HEATR5B: variants seen among roughly 807,000 people sequenced by gnomAD.
The protein encoded by HEATR5B is HEAT repeat-containing protein 5B.
HEATR5B carries 156 observed loss-of-function variants against 224.1 expected under a neutral mutation model. That is an observed-to-expected ratio of 0.70 (90% CI 0.61 to 0.80). The LOEUF (loss-of-function observed/expected upper bound fraction) is 0.80, where lower values mean the gene tolerates loss of function less well. Among genes scored for constraint, HEATR5B ranks in the 30% least tolerant of loss-of-function variants. HEATR5B has a pLI of 0.00. For synonymous variants in HEATR5B, 1,027 were observed against 893.0 expected (o/e 1.15, Z -2.68); for missense variants, 2,323 against 2,535.5 (o/e 0.92, Z 1.80).
Position 37,056,146 on chromosome 2 carries a change from T to C in HEATR5B, c.2399+294A>G, listed in dbSNP as rs114589335. Among the ~76,000 whole-genome samples, 287 of 152,222 alleles carry C rather than the reference T, an allele frequency of 1.9e-3. 3 individuals are homozygous for C. Among genetic ancestry groups the C allele is most frequent in the African/African-American group, 6.6e-3 (274 of 41,552 alleles). ...AATGCATTTTTTTTTTTGCCAACAG[T>C]TGTCATTCTAGCATATATAATGAAA... is the stretch of plus-strand genomic sequence containing the variant. On this transcript the variant is annotated intron_variant, in intron 16 of 35. Coordinates refer to ENST00000233099, the MANE Select transcript of HEATR5B (RefSeq NM_019024.3).
rs1425532522 is a variant in HEATR5B, at chr2:37,038,041, G to C, written c.3047-17C>G. On this transcript the variant is annotated splice_polypyrimidine_tract_variant and intron_variant, in intron 20 of 35. Transcript: ENST00000233099. ...CTCCATTCCCTGGTGCAAAATGAAAGAAAATATAAAATATAATTATTTTAT... is the reference window on the plus strand; with the variant it reads ...CTCCATTCCCTGGTGCAAAATGAAACAAAATATAAAATATAATTATTTTAT... 2 of 1,443,670 alleles carry C rather than the reference G, an allele frequency of 1.4e-6. No individual in the cohort carries two copies. The highest frequency in any genetic ancestry group is 1.8e-6 in the Non-Finnish European group (2 of 1,084,836). 89.4% of individuals were successfully genotyped at this position (1,443,670 alleles called of 1,614,324 possible). A position where few individuals can be genotyped will look rare whatever the true frequency, so the allele number is the denominator to read the frequency against.
chr2:37,081,765 G>A (rs1672584538), intron 2 of HEATR5B, among the ~76,000 whole-genome samples: 1 of 152,132 alleles, frequency 6.6e-6, no homozygotes, highest in Non-Finnish European at 1.5e-5. Context: ...ACTGAAAATG[G>A]GGAGATGCAG....
intron 33 of HEATR5B, among the ~76,000 whole-genome samples, chr2:36,999,244 G>GA (rs1414276242): frequency 1.3e-5 from 2 of 151,880 alleles, no homozygotes; most frequent in Non-Finnish European, 2.9e-5. Flanking sequence ...AAAAACACCC[G>GA]AAAAAACATA....
intron 15 of HEATR5B, 34 bp from the exon 16 acceptor site, chr2:37,056,649 C>G: frequency 6.5e-7 from 1 of 1,543,764 alleles, no homozygotes; most frequent in Non-Finnish European, 8.8e-7. Context: ...TATTCAAAAT[C>G]TACTTTAGGA....
Position 37,079,338 on chromosome 2 carries a change from C to A in HEATR5B, c.127-7G>T. ...GTTTTTCCTTTACATCGGTCTGTTA[C>A]AAAAAAAATTTTTAAAAGAACATCA... On this transcript the variant is annotated splice_region_variant and splice_polypyrimidine_tract_variant and intron_variant, in intron 2 of 35. Coordinates refer to ENST00000233099, the MANE Select transcript of HEATR5B (RefSeq NM_019024.3). 2 of 1,542,344 alleles carry A rather than the reference C, an allele frequency of 1.3e-6. No individual in the cohort carries two copies. Among genetic ancestry groups the A allele is most frequent in the Non-Finnish European group, 1.7e-6 (2 of 1,145,078 alleles).
chr2:37,082,600 C>T (rs867195138), intron 2 of HEATR5B, among the ~76,000 whole-genome samples: 1 of 152,224 alleles, frequency 6.6e-6, no homozygotes, highest in Non-Finnish European at 1.5e-5. Context: ...GAGCGATCTG[C>T]GCCTTAAGGG....
intron 35 of HEATR5B, among the ~76,000 whole-genome samples, chr2:36,987,936 G>C (rs2372444): frequency 0.32 from 49,172 of 151,586 alleles, 8,540 homozygotes; most frequent in African/African-American, 0.39. Flanking sequence ...GCCAGGCATG[G>C]TGGCACATGC....
chr2:37,057,856 A>C (rs1299405765), intron 14 of HEATR5B, among the ~76,000 whole-genome samples: 1 of 152,078 alleles, frequency 6.6e-6, no homozygotes, highest in Non-Finnish European at 1.5e-5. Flanking sequence ...GACACACACA[A>C]ACAAAGATAC....
chr2:37,071,968 G>C (rs946168559), intron 6 of HEATR5B, 142 bp downstream of exon 6: 2 of 604,716 alleles, frequency 3.3e-6, no homozygotes, highest in South Asian at 2.8e-5. Context: ...ACAGGCATGA[G>C]TCACCGCGCC....
At chr2:37,049,978 CCTT>C (rs1670436242) in intron 17 of HEATR5B, 135 bp from the exon 18 acceptor site, 1 of 804,160 alleles carries the variant, frequency 1.2e-6, no homozygotes, top group Non-Finnish European at 1.8e-6. Flanking sequence ...ACAGCCTCGA[CCTT>C]CTGAGCTCAA....
intron 17 of HEATR5B, among the ~76,000 whole-genome samples, chr2:37,052,556 T>C (rs746248911): frequency 6.6e-6 from 1 of 152,120 alleles, no homozygotes; most frequent in Non-Finnish European, 1.5e-5. Flanking sequence ...TGGCATATGA[T>C]ATTATTTCTT....
chr2:37,044,056 T>C (rs1213916991), intron 18 of HEATR5B, among the ~76,000 whole-genome samples: 1 of 152,224 alleles, frequency 6.6e-6, no homozygotes, highest in East Asian at 1.9e-4. Context: ...TATCAAGATG[T>C]AATCAATATA....
intron 14 of HEATR5B, among the ~76,000 whole-genome samples, chr2:37,058,121 T>G (rs1159631383): frequency 6.6e-6 from 1 of 152,186 alleles, no homozygotes; most frequent in African/African-American, 2.4e-5. Context: ...ACCAGCTAGA[T>G]TTGAATCCAA....
At chr2:37,005,487 C>T in intron 30 of HEATR5B, 145 bp downstream of exon 30, 1 of 736,872 alleles carries the variant, frequency 1.4e-6, no homozygotes, top group Non-Finnish European at 2.2e-6. Context: ...GTAAAAGTAA[C>T]TGGGTGAATA....
At chr2:37,052,467 C>T (rs1237548246) in intron 17 of HEATR5B, among the ~76,000 whole-genome samples, 1 of 152,200 alleles carries the variant, frequency 6.6e-6, no homozygotes, top group Non-Finnish European at 1.5e-5. Context: ...GATGGGACAG[C>T]AAAACTAACA....
At chr2:37,026,169 C>A (rs77386767) in intron 24 of HEATR5B, among the ~76,000 whole-genome samples, 1 of 152,120 alleles carries the variant, frequency 6.6e-6, no homozygotes, top group Admixed American at 6.6e-5. Context: ...AGAGATTTAA[C>A]GCTGCTGGCT....
chr2:37,049,927 C>T (rs975984967), intron 17 of HEATR5B, 84 bp from the exon 18 acceptor site: 4 of 1,316,784 alleles, frequency 3.0e-6, no homozygotes, highest in African/African-American at 3.0e-5. Flanking sequence ...GTCTTGCTCC[C>T]TTGCCCAGGC....
Position 36,992,670 on chromosome 2 carries a change from T to G in HEATR5B, c.5546-1871A>C, listed in dbSNP as rs141946763. 3.0e-4 allele frequency among the ~76,000 whole-genome samples: 45 copies of G among 152,344 alleles called. No homozygotes were observed. In the East Asian group the frequency reaches 7.9e-3, roughly 27 times the overall value. On this transcript the variant is annotated intron_variant, in intron 33 of 35. Coordinates refer to ENST00000233099, the MANE Select transcript of HEATR5B (RefSeq NM_019024.3). Reference sequence around the variant, plus strand: ...TTATTCTACATAGAATATAATCTCTTACTCAGAGTTGGCAATGCTGCAAGC... The same window carrying G: ...TTATTCTACATAGAATATAATCTCTGACTCAGAGTTGGCAATGCTGCAAGC...
At chr2:37,055,664 A>G (rs1377032181) in intron 16 of HEATR5B, among the ~76,000 whole-genome samples, 1 of 152,190 alleles carries the variant, frequency 6.6e-6, no homozygotes, top group East Asian at 1.9e-4. Context: ...GTGTCTCACT[A>G]TGTTTCCCAG....
Sources: gnomAD v4.1 joint callset for allele counts (sites outside exome capture counted in the v4.1 genomes callset) on GRCh38, gnomAD v4.1.1 for gene constraint, MANE v1.5 for transcripts, NCBI Gene and HGNC (gene_info 2026-07-23, HGNC 2026-07-21) for gene names.